The following MMS19 variants were observed in gnomAD, a reference collection of about 807,000 sequenced individuals.
MMS19 encodes the protein MMS19 nucleotide excision repair protein homolog.
Under a neutral mutation model 129.8 loss-of-function variants are expected in MMS19, and 77 were observed. The observed-to-expected ratio is 0.59, with a 90% confidence interval of 0.49 to 0.72. MMS19 has a LOEUF of 0.72. Among genes scored for constraint, MMS19 ranks in the 30% least tolerant of loss-of-function variants. MMS19 has a pLI of 0.00. For missense variants in MMS19, 1,168 were observed against 1,266.3 expected (o/e 0.92, Z 1.18); for synonymous variants, 491 against 502.8 (o/e 0.98, Z 0.31).
In MMS19 at chr10:97,496,615, C is replaced by A. The variant is rs561396861; in HGVS notation, c.112+1658G>T. Among the ~76,000 whole-genome samples, 30 of 149,502 alleles carry A rather than the reference C, an allele frequency of 2.0e-4. No individual in the cohort carries two copies. The East Asian group carries it at 3.3e-3, about 17-fold the overall frequency. Reference sequence around the variant, plus strand: ...TGTCTTTTCAAAATATGTTCTGAATCAAAAAAAAATCCAAAATTATTGTTT... The same window carrying A: ...TGTCTTTTCAAAATATGTTCTGAATAAAAAAAAAATCCAAAATTATTGTTT... On this transcript the variant is annotated intron_variant, in intron 1 of 30. Coordinates refer to ENST00000438925, the MANE Select transcript of MMS19 (RefSeq NM_022362.5).
intron 8 of MMS19, among the ~76,000 whole-genome samples, chr10:97,475,854 A>AG (rs773758277): frequency 7.9e-5 from 12 of 152,250 alleles, no homozygotes; most frequent in Non-Finnish European, 1.6e-4. Flanking sequence ...TCAAGGGTAT[A>AG]GGGTTAGAAT....
rs2032117274 is a variant in MMS19 at position 97,462,028 on chromosome 10, G to A, written c.2104C>T (p.Gln702Ter). The A allele has an allele frequency of 6.3e-7, 1 of 1,590,704 alleles. No homozygotes were observed. The highest frequency in any genetic ancestry group is 8.6e-7 in the Non-Finnish European group (1 of 1,168,342). Reference protein sequence around the residue: ...LPENSFPSRFQPFQDGSSGQR... With the variant: ...LPENSFPSRF ...TCTAAGACTGTTACCTGGAATGGCTGGAATCTGCTCGGGAAGCTGTTTTCA... is the reference window on the plus strand; with the variant it reads ...TCTAAGACTGTTACCTGGAATGGCTAGAATCTGCTCGGGAAGCTGTTTTCA... Residue 702 changes from glutamine (Q) to a stop codon, truncating the protein, a stop_gained, in exon 21 of 31, where the codon CAG (glutamine) becomes TAG (stop). Coordinates refer to ENST00000438925, the MANE Select transcript of MMS19 (RefSeq NM_022362.5). LOFTEE classifies it high-confidence loss of function.
At chr10:97,496,511 C>CAAA (rs11357826) in intron 1 of MMS19, among the ~76,000 whole-genome samples, 2 of 108,062 alleles carry the variant, frequency 1.9e-5, no homozygotes, top group Non-Finnish European at 3.9e-5. Context: ...GACCTTGTCT[C>CAAA]AAAAAAAAAA....
intron 1 of MMS19, among the ~76,000 whole-genome samples, chr10:97,491,542 G>A (rs2038893350): frequency 1.3e-5 from 2 of 152,340 alleles, no homozygotes; most frequent in South Asian, 4.1e-4. Context: ...GCATGCGCCT[G>A]TAGTCCCAGC....
chr10:97,466,232 C>A, intron 16 of MMS19, 73 bp from the exon 17 acceptor site: 1 of 1,280,466 alleles, frequency 7.8e-7, no homozygotes, highest in Non-Finnish European at 1.1e-6. Flanking sequence ...TGATATTAGG[C>A]AGATTCAGGA....
intron 19 of MMS19, chr10:97,463,044 CAT>C (rs990796077): frequency 5.3e-5 from 13 of 244,768 alleles, no homozygotes; most frequent in African/African-American, 1.6e-4. Flanking sequence ...AAATTAAAAA[CAT>C]AGATTTATCT....
chr10:97,465,994 GGAAGCAC>G (rs1252034704), intron 17 of MMS19, 40 bp from the exon 18 acceptor site: 1 of 1,612,532 alleles, frequency 6.2e-7, no homozygotes, highest in Non-Finnish European at 8.5e-7. Context: ...CTGTGTGATA[GGAAGCAC>G]GAAGGCCCCA....
chr10:97,497,955 G>C (rs900436085), intron 1 of MMS19, among the ~76,000 whole-genome samples: 1 of 152,204 alleles, frequency 6.6e-6, no homozygotes, highest in African/African-American at 2.4e-5. Flanking sequence ...CTGGGTCCGA[G>C]TCCCACCTCC....
Position 97,467,505 on chromosome 10 carries a change from C to T in MMS19, c.1297G>A (p.Asp433Asn), listed in dbSNP as rs771540835. The change falls in exon 14 of 31, where the codon GAT becomes AAT. Residue 433 changes from aspartate (D) to asparagine (N), a missense_variant and splice_region_variant. Coordinates refer to ENST00000438925, the MANE Select transcript of MMS19 (RefSeq NM_022362.5). The part of the protein sequence containing the change: ...LQQKWSYEDK[D>N]QRPLNGFKDQ... ...GCACTGCAATGGAAGGCAACCTCAC[C>T]TTTGTCTTCATAGCTCCATTTCTGC... 8 of 1,612,744 alleles carry T rather than the reference C, an allele frequency of 5.0e-6. No individual in the cohort carries two copies. Among genetic ancestry groups the T allele is most frequent in the Non-Finnish European group, 6.8e-6 (8 of 1,178,822 alleles).
At chr10:97,468,200 G>C in intron 13 of MMS19, 52 bp downstream of exon 13, 1 of 1,462,544 alleles carries the variant, frequency 6.8e-7, no homozygotes, top group Non-Finnish European at 9.1e-7. Context: ...TCTGAGAAAG[G>C]GAACCTAGCA....
chr10:97,465,746 C>T (rs2033331667), intron 18 of MMS19, 59 bp downstream of exon 18: 12 of 1,529,644 alleles, frequency 7.8e-6, no homozygotes, highest in Non-Finnish European at 1.1e-5. Context: ...GAACCACTGC[C>T]TTAGAGACTA....
chr10:97,476,079 C>T (rs2035704199), intron 8 of MMS19, among the ~76,000 whole-genome samples: 1 of 152,198 alleles, frequency 6.6e-6, no homozygotes, highest in Non-Finnish European at 1.5e-5. Context: ...AGCACACACA[C>T]CCACACGGTG....
chr10:97,459,996 A>G, intron 26 of MMS19, 50 bp downstream of exon 26: 1 of 1,579,088 alleles, frequency 6.3e-7, no homozygotes, highest in Middle Eastern at 1.9e-4. Context: ...GAATGTGGCC[A>G]AGCAAAGGAG....
chr10:97,487,037 CTT>C (rs758818154), intron 1 of MMS19, among the ~76,000 whole-genome samples: 23 of 151,228 alleles, frequency 1.5e-4, no homozygotes, highest in Non-Finnish European at 3.2e-4. Context: ...AAAGTATACA[CTT>C]TTGAATATAC....
chr10:97,479,537 G>A (rs1206536883), intron 3 of MMS19, among the ~76,000 whole-genome samples: 5 of 152,092 alleles, frequency 3.3e-5, no homozygotes, highest in South Asian at 2.1e-4. Context: ...AAATTATTAC[G>A]TGCTGCATTT....
At position 97,469,665 on chromosome 10, in the gene MMS19, CA is replaced by C; in HGVS notation, c.904del (p.Trp302GlyfsTer27). ...KELKDFLPSLWASIRREVFQT... is the reference protein window; with the variant it reads ...KELKDFLPSLXASIRREVFQT... ...ACTCACCTCTCTGCGGATAGAAGCC[CA>C]AAGGCTGGGGAGGAAGTCCTTCAGT... On this transcript the variant is annotated frameshift_variant, in exon 11 of 31. Coordinates refer to ENST00000438925, the MANE Select transcript of MMS19 (RefSeq NM_022362.5). LOFTEE classifies it high-confidence loss of function. 1 of 1,613,926 alleles carries C rather than the reference CA, an allele frequency of 6.2e-7. No individual in the cohort carries two copies. The highest frequency in any genetic ancestry group is 8.5e-7 in the Non-Finnish European group (1 of 1,179,838).
chr10:97,460,023 G>T, intron 26 of MMS19, 23 bp downstream of exon 26: 1 of 1,609,698 alleles, frequency 6.2e-7, no homozygotes, highest in South Asian at 1.1e-5. Context: ...GTATATGTGG[G>T]GACCTTCTTT....
intron 18 of MMS19, 30 bp downstream of exon 18, chr10:97,465,775 A>G (rs373439637): frequency 2.0e-5 from 32 of 1,599,452 alleles, no homozygotes; most frequent in Non-Finnish European, 2.7e-5. Flanking sequence ...TATTCAGCCC[A>G]GTCCGTTGGT....
At chr10:97,478,563 C>T (rs778537494) in intron 3 of MMS19, among the ~76,000 whole-genome samples, 174 bp from the exon 4 acceptor site, 12 of 152,170 alleles carry the variant, frequency 7.9e-5, no homozygotes, top group East Asian at 1.9e-4. Context: ...CCTGATCAGT[C>T]GGGAAAATAG....
Sources: gnomAD v4.1 joint callset for allele counts (sites outside exome capture counted in the v4.1 genomes callset) on GRCh38, gnomAD v4.1.1 for gene constraint, MANE v1.5 for transcripts, NCBI Gene and HGNC (gene_info 2026-07-23, HGNC 2026-07-21) for gene names.